PAX7: variants seen among roughly 807,000 people sequenced by gnomAD.
The protein encoded by PAX7 is paired box 7.
PAX7 carries 18 observed loss-of-function variants against 50.7 expected under a neutral mutation model. That is an observed-to-expected ratio of 0.36 (90% confidence interval 0.25 to 0.53). The LOEUF (loss-of-function observed/expected upper bound fraction) is 0.53, where lower values mean the gene tolerates loss of function less well. PAX7 is among the 20% of genes least tolerant of loss of function. The probability of loss-of-function intolerance (pLI) is 0.93; values close to 1 mark genes in which losing one functional copy is unlikely to be tolerated. For missense variants in PAX7, 644 were observed against 702.9 expected (o/e 0.92, Z 0.95); for synonymous variants, 310 against 290.4 (o/e 1.07, Z -0.69).
chr1:18,738,261 C>T lies in PAX7; in HGVS notation c.1402+2383C>T, dbSNP rs114111595. On this transcript the variant is annotated intron_variant, in intron 8 of 8. Coordinates refer to ENST00000420770, the MANE Select transcript of PAX7 (RefSeq NM_001135254.2). ...CCCAGGGTGACCTCCTGACCCAGCC[C>T]GTGTTCCTGGGCATGCAGCAGGACA... is the stretch of plus-strand genomic sequence containing the variant. 5.3e-3 allele frequency among the ~76,000 whole-genome samples: 800 copies of T among 152,218 alleles called. 9 individuals carry two copies. Among genetic ancestry groups the T allele is most frequent in the African/African-American group, 0.018 (762 of 41,518 alleles).
At chr1:18,641,433 A>G (rs768051881) in intron 4 of PAX7, among the ~76,000 whole-genome samples, 6 of 152,100 alleles carry the variant, frequency 3.9e-5, no homozygotes, top group Non-Finnish European at 8.8e-5. Context: ...GGCGCGCAAG[A>G]AAAGAGGCTC....
intron 7 of PAX7, among the ~76,000 whole-genome samples, chr1:18,716,701 C>A (rs1378797826): frequency 6.6e-6 from 1 of 151,918 alleles, no homozygotes; most frequent in Non-Finnish European, 1.5e-5. Context: ...CTCAAACCCT[C>A]ATTTCCCTCT....
At chr1:18,661,668 T>C (rs2088601299) in intron 4 of PAX7, among the ~76,000 whole-genome samples, 1 of 152,236 alleles carries the variant, frequency 6.6e-6, no homozygotes. Context: ...ACACAGTAGG[T>C]GCTCAGAGTA....
chr1:18,682,542 G>GGGA lies in PAX7; in HGVS notation c.587-9207_587-9205dup, dbSNP rs1295576782. Reference sequence around the variant, plus strand: ...TTCTTCCCAGTGGAGAACTGGGGATGGGAGGAGCAGCCTGAAGTGGGCGGG... The same window carrying GGGA: ...TTCTTCCCAGTGGAGAACTGGGGATGGGAGGAGGAGCAGCCTGAAGTGGGCGGG... On this transcript the variant is annotated intron_variant, in intron 4 of 8. Coordinates refer to ENST00000420770, the MANE Select transcript of PAX7 (RefSeq NM_001135254.2). Among the ~76,000 whole-genome samples the GGGA allele has an allele frequency of 3.3e-5, 5 of 152,312 alleles. No homozygotes were observed. In the East Asian group the frequency reaches 9.7e-4, roughly 29 times the overall value.
At chr1:18,683,008 T>G (rs542657903) in intron 4 of PAX7, among the ~76,000 whole-genome samples, 2 of 151,902 alleles carry the variant, frequency 1.3e-5, no homozygotes, top group East Asian at 3.9e-4. Context: ...GACAGGGGAG[T>G]ACCTGTGTGG....
At chr1:18,659,999 C>T (rs555907666) in intron 4 of PAX7, among the ~76,000 whole-genome samples, 11 of 152,312 alleles carry the variant, frequency 7.2e-5, no homozygotes, top group Admixed American at 6.5e-4. Context: ...CTGCCCCTTG[C>T]GTGGGGTGGT....
chr1:18,693,482 G>A (rs1448907786), intron 5 of PAX7, among the ~76,000 whole-genome samples: 1 of 152,162 alleles, frequency 6.6e-6, no homozygotes, highest in East Asian at 1.9e-4. Context: ...TCCATCCAGG[G>A]AAATGAACAA....
At chr1:18,651,529 T>A (rs956298307) in intron 4 of PAX7, among the ~76,000 whole-genome samples, 3 of 152,214 alleles carry the variant, frequency 2.0e-5, no homozygotes, top group Non-Finnish European at 4.4e-5. Flanking sequence ...GATCTACCTA[T>A]CCATCTATCT....
chr1:18,658,595 C>T (rs998244875), intron 4 of PAX7, among the ~76,000 whole-genome samples: 1 of 152,218 alleles, frequency 6.6e-6, no homozygotes, highest in African/African-American at 2.4e-5. Flanking sequence ...CTCTTGGGGG[C>T]TCACCCTGAT....
At chr1:18,670,845 G>A (rs2088738540) in intron 4 of PAX7, among the ~76,000 whole-genome samples, 1 of 152,278 alleles carries the variant, frequency 6.6e-6, no homozygotes, top group Middle Eastern at 3.4e-3. Context: ...GGCAGGGCTG[G>A]AGACGCCTTC....
chr1:18,721,606 C>T (rs976243916), intron 7 of PAX7, among the ~76,000 whole-genome samples: 25 of 152,224 alleles, frequency 1.6e-4, no homozygotes, highest in African/African-American at 4.8e-4. Context: ...GCAGAAAGCC[C>T]GGAGCTCCCT....
intron 4 of PAX7, among the ~76,000 whole-genome samples, chr1:18,685,840 G>C (rs2088966132): frequency 6.6e-6 from 1 of 152,160 alleles, no homozygotes; most frequent in South Asian, 2.1e-4. Context: ...AGGAGGCTTT[G>C]AAGGGAGAGG....
intron 4 of PAX7, among the ~76,000 whole-genome samples, chr1:18,679,800 G>GTTGTTCATTCATTCAGGCAT (rs1322242953): frequency 6.6e-6 from 1 of 152,208 alleles, no homozygotes; most frequent in African/African-American, 2.4e-5. Flanking sequence ...CATTCAGTCA[G>GTTGTTCATTCATTCAGGCAT]TTGTTCATTC....
intron 4 of PAX7, among the ~76,000 whole-genome samples, chr1:18,641,535 C>G (rs1214300197): frequency 6.6e-6 from 1 of 152,204 alleles, no homozygotes; most frequent in Non-Finnish European, 1.5e-5. Context: ...CGAGGGCGTG[C>G]GGGTTTTGTG....
intron 7 of PAX7, among the ~76,000 whole-genome samples, chr1:18,706,506 G>T (rs2089285312): frequency 6.8e-6 from 1 of 147,070 alleles, no homozygotes. Flanking sequence ...CTGTTGCCCA[G>T]GCTGGAGTGC....
Position 18,640,545 on chromosome 1 carries a change from A to G in PAX7, c.586+4174A>G, listed in dbSNP as rs563899027. Among the ~76,000 whole-genome samples, 5 of 152,068 alleles carry G rather than the reference A, an allele frequency of 3.3e-5. No individual in the cohort carries two copies. In the East Asian group the frequency reaches 7.8e-4, roughly 24 times the overall value. Reference sequence around the variant, plus strand: ...AGGGGACGAGGATAGTCCATTTATCACGAAACAATCTGCATTGATTTAAAC... The same window carrying G: ...AGGGGACGAGGATAGTCCATTTATCGCGAAACAATCTGCATTGATTTAAAC... On this transcript the variant is annotated intron_variant, in intron 4 of 8. Transcript: ENST00000420770.
At position 18,630,917 on chromosome 1, in the gene PAX7, C is replaced by G. The variant is rs1287809457; in HGVS notation, c.-687C>G. The G allele has an allele frequency of 5.1e-6, 1 of 195,872 alleles. No homozygotes were observed. Among genetic ancestry groups the G allele is most frequent in the Admixed American group, 6.1e-5 (1 of 16,404 alleles). The allele number at this position is 195,872 out of a possible 1,614,324, so 12.1% of individuals were successfully genotyped here. On this transcript the variant is annotated 5_prime_UTR_variant, in exon 1 of 9. Transcript: ENST00000420770. Reference sequence around the variant, plus strand: ...TTTTCCATTTCTCTTTCCCCAACCCCGTCACCCCCTGTCTCCTCCGTCCAG... The same window carrying G: ...TTTTCCATTTCTCTTTCCCCAACCCGGTCACCCCCTGTCTCCTCCGTCCAG...
intron 3 of PAX7, among the ~76,000 whole-genome samples, chr1:18,635,493 A>AGAAGGAAGGAAGGAAGGAAGGAAG (rs759818785): frequency 4.1e-4 from 28 of 68,792 alleles, no homozygotes; most frequent in African/African-American, 2.0e-3. Context: ...AAAGGGAGGA[A>AGAAGGAAGGAAGGAAGGAAGGAAG]GAAGGAAGGA....
intron 4 of PAX7, among the ~76,000 whole-genome samples, chr1:18,648,764 G>A (rs967072582): frequency 2.6e-5 from 4 of 152,186 alleles, no homozygotes; most frequent in East Asian, 1.9e-4. Context: ...CAAGGGCAGC[G>A]GGGAGCCATG....
Sources: allele counts gnomAD v4.1 joint callset (sites outside exome capture counted in the v4.1 genomes callset), GRCh38; gene constraint gnomAD v4.1.1; transcripts MANE v1.5; gene names NCBI Gene and HGNC (gene_info 2026-07-23, HGNC 2026-07-21).